The following GRIA1 variants were observed in gnomAD, a reference collection of about 807,000 sequenced individuals.
The protein encoded by GRIA1 is glutamate ionotropic receptor AMPA type subunit 1, also known as glutamate receptor 1.
Under a neutral mutation model 99.2 loss-of-function variants are expected in GRIA1, and 31 were observed. That is an observed-to-expected ratio of 0.31 (90% CI 0.23 to 0.42). The LOEUF (loss-of-function observed/expected upper bound fraction) is 0.42, where lower values mean the gene tolerates loss of function less well. GRIA1 is among the 10% of genes least tolerant of loss of function. The pLI is 1.00. For missense variants in GRIA1, 782 were observed against 1,157.5 expected (o/e 0.68, Z 4.71); for synonymous variants, 438 against 432.4 (o/e 1.01, Z -0.16).
At position 153,679,027 on chromosome 5, in the gene GRIA1, G is replaced by A. The variant is rs550823795; in HGVS notation, c.1029+1866G>A. Among the ~76,000 whole-genome samples, 3 of 152,236 alleles carry A rather than the reference G, an allele frequency of 2.0e-5. No individual in the cohort carries two copies. The East Asian group carries it at 5.8e-4, about 29-fold the overall frequency. On this transcript the variant is annotated intron_variant, in intron 7 of 15. Coordinates refer to ENST00000285900, the MANE Select transcript of GRIA1 (RefSeq NM_000827.4). Reference sequence around the variant, plus strand: ...TCCTTCTGGTTGTAGTGTATACTTAGCACACTGCTTCTGCCCTCAGTAGGG... The same window carrying A: ...TCCTTCTGGTTGTAGTGTATACTTAACACACTGCTTCTGCCCTCAGTAGGG...
intron 11 of GRIA1, among the ~76,000 whole-genome samples, chr5:153,731,883 CTT>C (rs1018083498): frequency 6.6e-6 from 1 of 152,076 alleles, no homozygotes; most frequent in Non-Finnish European, 1.5e-5. Context: ...AGTTAATACT[CTT>C]TGACCAACAT....
chr5:153,774,790 T>G (rs568162192), intron 13 of GRIA1, among the ~76,000 whole-genome samples: 7 of 152,224 alleles, frequency 4.6e-5, no homozygotes, highest in Admixed American at 2.6e-4. Context: ...TTGCCAAGTC[T>G]ACTTGGCAGA....
chr5:153,726,958 C>T (rs1180096316), intron 11 of GRIA1, among the ~76,000 whole-genome samples: 4 of 152,184 alleles, frequency 2.6e-5, no homozygotes, highest in East Asian at 3.8e-4. Context: ...GACCAACATC[C>T]TTGATGAACA....
intron 5 of GRIA1, among the ~76,000 whole-genome samples, chr5:153,674,282 G>A (rs556194023): frequency 2.0e-4 from 31 of 152,276 alleles, no homozygotes; most frequent in African/African-American, 6.5e-4. Flanking sequence ...GCATAGCAGC[G>A]CCAGCACTCC....
chr5:153,636,053 C>T (rs1753333242), intron 2 of GRIA1, among the ~76,000 whole-genome samples: 1 of 152,146 alleles, frequency 6.6e-6, no homozygotes, highest in African/African-American at 2.4e-5. Context: ...CAAACTGGGA[C>T]CTCAACAATC....
At chr5:153,588,333 C>T (rs1763674505) in intron 2 of GRIA1, among the ~76,000 whole-genome samples, 2 of 152,168 alleles carry the variant, frequency 1.3e-5, no homozygotes, top group African/African-American at 4.8e-5. Flanking sequence ...TATGTGTATG[C>T]ACGCACTTCC....
intron 13 of GRIA1, among the ~76,000 whole-genome samples, chr5:153,781,566 C>T (rs914763734): frequency 2.0e-5 from 3 of 152,148 alleles, no homozygotes; most frequent in African/African-American, 7.2e-5. Flanking sequence ...ATCACATAGA[C>T]CAGTTCCTAC....
chr5:153,792,409 C>T (rs1169229796), intron 13 of GRIA1, among the ~76,000 whole-genome samples: 2 of 152,142 alleles, frequency 1.3e-5, no homozygotes, highest in African/African-American at 4.8e-5. Context: ...AGAATTAGAA[C>T]CTTGGGAACC....
chr5:153,660,532 A>G (rs1755291045), intron 5 of GRIA1, among the ~76,000 whole-genome samples: 1 of 152,162 alleles, frequency 6.6e-6, no homozygotes, highest in South Asian at 2.1e-4. Context: ...GAGTTGGGGA[A>G]AGAGTCAGGA....
At position 153,493,960 on chromosome 5, in the gene GRIA1, C is replaced by G. The variant is rs749875254; in HGVS notation, c.115C>G (p.His39Asp). Residue 39 changes from histidine (H) to aspartate (D), a missense_variant, in exon 2 of 16, where the codon CAT becomes GAT. Transcript: ENST00000285900. ...GLFPNQQSQEHAAFRFALSQL... is the reference protein window; with the variant it reads ...GLFPNQQSQEDAAFRFALSQL... ...ATTTCCAAACCAGCAGTCACAGGAA[C>G]ATGCTGCTTTTAGATTTGCTTTGTC... The G allele has an allele frequency of 1.2e-6, 2 of 1,614,042 alleles. No homozygotes were observed. The highest frequency in any genetic ancestry group is 1.7e-5 in the Admixed American group (1 of 60,024).
chr5:153,652,233 A>G (rs936370967), intron 4 of GRIA1, among the ~76,000 whole-genome samples: 2 of 152,252 alleles, frequency 1.3e-5, no homozygotes, highest in Non-Finnish European at 2.9e-5. Flanking sequence ...AAAAGGCAAG[A>G]TAACATAGTC....
At chr5:153,512,285 T>C (rs1393752645) in intron 2 of GRIA1, among the ~76,000 whole-genome samples, 1 of 152,122 alleles carries the variant, frequency 6.6e-6, no homozygotes, top group Non-Finnish European at 1.5e-5. Flanking sequence ...CCTTGAGTGA[T>C]TGGACTTTAC....
chr5:153,599,026 C>T (rs941798889), intron 2 of GRIA1, among the ~76,000 whole-genome samples: 7 of 152,118 alleles, frequency 4.6e-5, no homozygotes, highest in Non-Finnish European at 2.9e-5. Context: ...GAACTGCAGG[C>T]GCCCGCCACC....
chr5:153,628,212 C>T (rs556216347), intron 2 of GRIA1, among the ~76,000 whole-genome samples: 8 of 152,186 alleles, frequency 5.3e-5, no homozygotes, highest in African/African-American at 1.9e-4. Flanking sequence ...CTAAGTGGGA[C>T]CTTGAAGGAT....
intron 2 of GRIA1, among the ~76,000 whole-genome samples, chr5:153,629,576 A>C (rs1409758495): frequency 6.6e-6 from 1 of 152,200 alleles, no homozygotes; most frequent in Non-Finnish European, 1.5e-5. Context: ...GTTGAAGAGG[A>C]TTTGGAAGCG....
chr5:153,771,659 C>T (rs183507193), intron 13 of GRIA1, among the ~76,000 whole-genome samples: 1 of 152,296 alleles, frequency 6.6e-6, no homozygotes, highest in Non-Finnish European at 1.5e-5. Context: ...ACAAAATTCT[C>T]ACTATGAAAC....
intron 7 of GRIA1, among the ~76,000 whole-genome samples, chr5:153,683,678 C>T (rs1015438255): frequency 2.0e-5 from 3 of 152,198 alleles, no homozygotes; most frequent in East Asian, 1.9e-4. Context: ...TCTTAGACAA[C>T]CTACCAGCCC....
intron 2 of GRIA1, among the ~76,000 whole-genome samples, chr5:153,578,023 T>A (rs1762709923): frequency 6.6e-6 from 1 of 150,732 alleles, no homozygotes. Flanking sequence ...TCATGGTGCG[T>A]GCCTGTAATT....
At chr5:153,643,586 C>G (rs1226695578) in intron 2 of GRIA1, among the ~76,000 whole-genome samples, 1 of 152,190 alleles carries the variant, frequency 6.6e-6, no homozygotes, top group Non-Finnish European at 1.5e-5. Flanking sequence ...TTTACTTCCT[C>G]TCTCTCTGCT....
Sources: gnomAD v4.1 joint callset for allele counts (sites outside exome capture counted in the v4.1 genomes callset) on GRCh38, gnomAD v4.1.1 for gene constraint, MANE v1.5 for transcripts, NCBI Gene and HGNC (gene_info 2026-07-23, HGNC 2026-07-21) for gene names.